N4BP2L1: variants seen among roughly 807,000 people sequenced by gnomAD.
The protein encoded by N4BP2L1 is NEDD4 binding protein 2 like 1.
N4BP2L1 carries 12 observed loss-of-function variants against 21.2 expected under a neutral mutation model. That is an observed-to-expected ratio of 0.57 (90% CI 0.36 to 0.92). N4BP2L1 has a LOEUF of 0.92. Ranked by LOEUF, N4BP2L1 falls within the 40% of genes least tolerant of loss-of-function variation. The pLI, the probability that N4BP2L1 is intolerant of heterozygous loss-of-function variation, is 0.01. For synonymous variants in N4BP2L1, 104 were observed against 112.8 expected (o/e 0.92, Z 0.49); for missense variants, 259 against 310.6 (o/e 0.83, Z 1.25).
At chr13:32,417,859 C>T (rs947493920) in intron 1 of N4BP2L1, among the ~76,000 whole-genome samples, 10 of 152,092 alleles carry the variant, frequency 6.6e-5, no homozygotes, top group African/African-American at 1.9e-4. Flanking sequence ...CATTTTGCCC[C>T]GCCCTAGAGA....
chr13:32,428,550 CTCCCCCGAT>C (rs2074919410), upstream of N4BP2L1, among the ~76,000 whole-genome samples: 1 of 152,056 alleles, frequency 6.6e-6, no homozygotes, highest in Admixed American at 6.6e-5. Context: ...AGGCCATTGT[CTCCCCCGAT>C]TTGTGAGCAC....
intron 1 of N4BP2L1, 69 bp downstream of exon 1, chr13:32,427,834 AG>A: frequency 9.2e-7 from 1 of 1,088,994 alleles, no homozygotes; most frequent in Non-Finnish European, 1.2e-6. Flanking sequence ...GGCTTGGGGC[AG>A]GGGTGCGCTC....
At chr13:32,415,271 C>T (rs1033304683) in intron 1 of N4BP2L1, among the ~76,000 whole-genome samples, 3 of 152,088 alleles carry the variant, frequency 2.0e-5, no homozygotes, top group Admixed American at 6.6e-5. Flanking sequence ...GCAAGGGGGC[C>T]CTGAAAACTA....
rs1261991750 is a variant in N4BP2L1 at position 32,427,890 on chromosome 13, A to G, written c.179+14T>C. 1.4e-6 allele frequency: 2 copies of G among 1,459,896 alleles called. No homozygotes were observed. Among genetic ancestry groups the G allele is most frequent in the Non-Finnish European group, 1.8e-6 (2 of 1,104,848 alleles). The allele number at this position is 1,459,896 out of a possible 1,614,324, so 90.4% of individuals were successfully genotyped here. On this transcript the variant is annotated intron_variant, in intron 1 of 4. Transcript: ENST00000380130. ...CCCGGGCCCGTGCACCGGCGCCCAG[A>G]CCGCTGTCATTACCTGGCCAGTGTA...
At chr13:32,414,239 A>G (rs1320311027) in intron 1 of N4BP2L1, among the ~76,000 whole-genome samples, 1 of 152,182 alleles carries the variant, frequency 6.6e-6, no homozygotes, top group Non-Finnish European at 1.5e-5. Context: ...TTCTTCTATG[A>G]CATGATTTTT....
intron 1 of N4BP2L1, among the ~76,000 whole-genome samples, chr13:32,424,068 T>A (rs1263008873): frequency 6.6e-6 from 1 of 152,178 alleles, no homozygotes; most frequent in East Asian, 1.9e-4. Context: ...AAGAGAGAGT[T>A]CTGGCTCATC....
At position 32,405,995 on chromosome 13, in the gene N4BP2L1, C is replaced by T. The variant is rs12859079; in HGVS notation, c.396+1255G>A. On this transcript the variant is annotated intron_variant, in intron 3 of 4. Transcript: ENST00000380130. ...TCAGCTCACTGCAAGCTCCACCTCC[C>T]GGGTTCACGCCATTCTCCTGCCTCA... 1.0e-4 allele frequency among the ~76,000 whole-genome samples: 15 copies of T among 147,288 alleles called. 1 individual carries two copies.
chr13:32,409,473 C>T (rs948481909), intron 1 of N4BP2L1, among the ~76,000 whole-genome samples: 1 of 152,062 alleles, frequency 6.6e-6, no homozygotes, highest in Non-Finnish European at 1.5e-5. Context: ...ACTTTAATAC[C>T]GAAAGAATAT....
At position 32,402,265 on chromosome 13, in the gene N4BP2L1, TTAAA is replaced by T. The variant is rs1295976868; in HGVS notation, c.*673_*676del. On this transcript the variant is annotated 3_prime_UTR_variant, in exon 5 of 5. Coordinates refer to ENST00000380130, the MANE Select transcript of N4BP2L1 (RefSeq NM_052818.3). The stretch of plus-strand genomic sequence containing the variant: ...AGTAGTAAAAACACAAGGCGTGACT[TTAAA>T]TAATGACACTGATTTCCCTCAGTAG... The T allele has an allele frequency of 1.3e-6, 1 of 773,862 alleles. No individual in the cohort carries two copies. The highest frequency in any genetic ancestry group is 6.3e-5 in the Admixed American group (1 of 15,974). 47.9% of individuals were successfully genotyped at this position (773,862 alleles called of 1,614,324 possible).
intron 1 of N4BP2L1, among the ~76,000 whole-genome samples, chr13:32,415,202 G>GC (rs2074064657): frequency 6.6e-6 from 1 of 152,078 alleles, no homozygotes; most frequent in Non-Finnish European, 1.5e-5. Flanking sequence ...TCTTCAGAGG[G>GC]CCTCCTAGTG....
In N4BP2L1 at chr13:32,401,490, C is replaced by T. The variant is rs2073126340; in HGVS notation, c.*1452G>A. On this transcript the variant is annotated 3_prime_UTR_variant, in exon 5 of 5. Coordinates refer to ENST00000380130, the MANE Select transcript of N4BP2L1 (RefSeq NM_052818.3). ...ATGGTGTTGGTAGTCATGGAGATGT[C>T]GAGCAGGTTTCAGTAGTGTCAGATA... 1 of 152,056 alleles carries T rather than the reference C, an allele frequency of 6.6e-6. No individual in the cohort carries two copies. The highest frequency in any genetic ancestry group is 2.4e-5 in the African/African-American group (1 of 41,394). 9.4% of individuals were successfully genotyped at this position (152,056 alleles called of 1,614,324 possible). A position where few individuals can be genotyped will look rare whatever the true frequency, so the allele number is the denominator to read the frequency against.
chr13:32,424,720 G>T (rs2074668856), intron 1 of N4BP2L1, among the ~76,000 whole-genome samples: 1 of 152,074 alleles, frequency 6.6e-6, no homozygotes, highest in African/African-American at 2.4e-5. Context: ...ATGAAACACG[G>T]GTGATAAAGC....
At chr13:32,420,969 T>C (rs1442562226) in intron 1 of N4BP2L1, among the ~76,000 whole-genome samples, 1 of 152,240 alleles carries the variant, frequency 6.6e-6, no homozygotes, top group African/African-American at 2.4e-5. Flanking sequence ...GTGCTGGGAT[T>C]ACAGGCATGA....
At chr13:32,413,504 T>C (rs1201867444) in intron 1 of N4BP2L1, among the ~76,000 whole-genome samples, 4 of 152,180 alleles carry the variant, frequency 2.6e-5, no homozygotes, top group African/African-American at 9.7e-5. Flanking sequence ...ATAATGACAG[T>C]CTGTCCCACC....
At chr13:32,408,301 T>G (rs1047259677) in intron 1 of N4BP2L1, among the ~76,000 whole-genome samples, 1 of 152,160 alleles carries the variant, frequency 6.6e-6, no homozygotes, top group Non-Finnish European at 1.5e-5. Flanking sequence ...TGTGGGGAAG[T>G]GATGCACGTG....
chr13:32,414,574 CTTTCT>C, intron 1 of N4BP2L1, among the ~76,000 whole-genome samples: 1 of 152,178 alleles, frequency 6.6e-6, no homozygotes, highest in South Asian at 2.1e-4. Context: ...GGTGCAGTGG[CTTTCT>C]TTTCTTCTTG....
intron 3 of N4BP2L1, 69 bp downstream of exon 3, chr13:32,407,181 A>C: frequency 6.9e-7 from 1 of 1,448,078 alleles, no homozygotes; most frequent in South Asian, 1.2e-5. Context: ...AAAAAGAGGA[A>C]AGAACAGATG....
At chr13:32,417,885 T>C (rs922477094) in intron 1 of N4BP2L1, among the ~76,000 whole-genome samples, 9 of 152,164 alleles carry the variant, frequency 5.9e-5, no homozygotes, top group African/African-American at 2.2e-4. Context: ...ATGTGGAACT[T>C]TGAACTTGAA....
intron 1 of N4BP2L1, 85 bp from the exon 2 acceptor site, chr13:32,407,857 T>C: frequency 7.0e-7 from 1 of 1,436,588 alleles, no homozygotes; most frequent in Non-Finnish European, 9.4e-7. Context: ...TCTCTAACAT[T>C]TAGCAGTTTA....
Sources: gnomAD v4.1 joint callset for allele counts (sites outside exome capture counted in the v4.1 genomes callset) on GRCh38, gnomAD v4.1.1 for gene constraint, MANE v1.5 for transcripts, NCBI Gene and HGNC (gene_info 2026-07-23, HGNC 2026-07-21) for gene names.